Variants in RHOBTB1 observed in about 807,000 individuals in gnomAD.
RHOBTB1 encodes rho-related BTB domain-containing protein 1.
Under a neutral mutation model 71.6 loss-of-function variants are expected in RHOBTB1, and 40 were observed. That is an observed-to-expected ratio of 0.56 (90% CI 0.43 to 0.73). The LOEUF (loss-of-function observed/expected upper bound fraction) is 0.73. Among genes scored for constraint, RHOBTB1 ranks in the 30% least tolerant of loss-of-function variants. The probability of loss-of-function intolerance (pLI) is 0.00; values close to 1 mark genes in which losing one functional copy is unlikely to be tolerated. For synonymous variants in RHOBTB1, 319 were observed against 334.9 expected, an observed-to-expected ratio of 0.95 and a Z score of 0.52; for missense variants, 797 against 894.0, an observed-to-expected ratio of 0.89 and a Z score of 1.38.
intron 2 of RHOBTB1, among the ~76,000 whole-genome samples, chr10:60,927,254 T>A (rs2083939450): frequency 6.6e-6 from 1 of 152,192 alleles, no homozygotes; most frequent in Non-Finnish European, 1.5e-5. Flanking sequence ...GGAAGATCGA[T>A]ATTGTTACAA....
intron 2 of RHOBTB1, among the ~76,000 whole-genome samples, chr10:60,969,162 C>A (rs747371169): frequency 6.6e-6 from 1 of 151,906 alleles, no homozygotes; most frequent in East Asian, 1.9e-4. Context: ...AATGAGGTAA[C>A]ATTAATGGAA....
At chr10:60,953,390 G>T (rs2085479962) in intron 2 of RHOBTB1, among the ~76,000 whole-genome samples, 1 of 152,120 alleles carries the variant, frequency 6.6e-6, no homozygotes, top group Admixed American at 6.5e-5. Context: ...GCCTTTCTCT[G>T]AAGTTACATG....
At chr10:60,933,781 T>C (rs2084401119) in intron 2 of RHOBTB1, among the ~76,000 whole-genome samples, 1 of 151,644 alleles carries the variant, frequency 6.6e-6, no homozygotes, top group Non-Finnish European at 1.5e-5. Context: ...ACACAGGAGA[T>C]GGATTAAAAA....
intron 2 of RHOBTB1, among the ~76,000 whole-genome samples, chr10:60,963,022 A>G (rs1373324004): frequency 6.6e-6 from 1 of 152,160 alleles, no homozygotes; most frequent in Non-Finnish European, 1.5e-5. Context: ...TGTAATACAG[A>G]CCACGGCTAC....
intron 2 of RHOBTB1, among the ~76,000 whole-genome samples, chr10:60,940,514 G>A (rs2084846140): frequency 6.6e-6 from 1 of 152,132 alleles, no homozygotes; most frequent in African/African-American, 2.4e-5. Context: ...CAGACAAACT[G>A]AGGTTCCAGG....
At chr10:60,978,632 G>A (rs942148015) in intron 2 of RHOBTB1, among the ~76,000 whole-genome samples, 2 of 152,094 alleles carry the variant, frequency 1.3e-5, no homozygotes, top group Non-Finnish European at 2.9e-5. Context: ...AAATGTTGCT[G>A]GTTCTAGAGA....
At chr10:60,868,488 G>A (rs1343087334), downstream of RHOBTB1, among the ~76,000 whole-genome samples, 1 of 152,112 alleles carries the variant, frequency 6.6e-6, no homozygotes, top group Non-Finnish European at 1.5e-5. Flanking sequence ...CTTCTGCCTA[G>A]CCAATGTCAT....
rs529624605 is a variant in RHOBTB1 at position 60,997,813 on chromosome 10, C to A, written c.-163+3586G>T. On this transcript the variant is annotated intron_variant, in intron 1 of 11. Transcript: ENST00000357917. ...TGCTGCTACTCAGGATTGGTCTGGG[C>A]AACCTAAGGCTCTTTTGAATTTCTG... 3.9e-5 allele frequency among the ~76,000 whole-genome samples: 6 copies of A among 152,294 alleles called. No individual in the cohort carries two copies. In the South Asian group the frequency reaches 1.0e-3, roughly 26 times the overall value.
At chr10:60,978,016 A>G (rs913589412) in intron 2 of RHOBTB1, among the ~76,000 whole-genome samples, 31 of 152,190 alleles carry the variant, frequency 2.0e-4, no homozygotes, top group Admixed American at 1.8e-3. Context: ...AAATGCCGAT[A>G]TATTTTACAG....
intron 2 of RHOBTB1, among the ~76,000 whole-genome samples, chr10:60,959,006 C>T (rs771868785): frequency 1.3e-5 from 2 of 152,014 alleles, no homozygotes; most frequent in Non-Finnish European, 2.9e-5. Context: ...GCCCTGCCTC[C>T]CAGTATATAC....
Position 60,871,535 on chromosome 10 carries a change from G to A in RHOBTB1, c.2038C>T (p.His680Tyr), listed in dbSNP as rs1425755474. Residue 680 changes from histidine to tyrosine, a missense_variant, in exon 11 of 11, where the codon CAT becomes TAT. Physicochemically the swap from His to Tyr is moderately conservative, Grantham distance 83. Coordinates refer to ENST00000337910, the MANE Select transcript of RHOBTB1 (RefSeq NM_014836.5). ...AAGCACCACTTTCGTCTTGAGCGAT[G>A]CTTATTTAGTGCAATATCTTCCTTC... Reference protein sequence around the residue: ...REKEDIALNKHRSRRKWCFWN... With the variant: ...REKEDIALNKYRSRRKWCFWN... 1 of 1,614,092 alleles carries A rather than the reference G, an allele frequency of 6.2e-7. No homozygotes were observed. Among genetic ancestry groups the A allele is most frequent in the Non-Finnish European group, 8.5e-7 (1 of 1,179,992 alleles).
chr10:60,953,331 T>G (rs1051986020), intron 2 of RHOBTB1, among the ~76,000 whole-genome samples: 3 of 152,206 alleles, frequency 2.0e-5, no homozygotes, highest in Admixed American at 6.5e-5. Context: ...TCTTTCTTCT[T>G]AATTCTTAGC....
intron 1 of RHOBTB1, among the ~76,000 whole-genome samples, chr10:60,943,278 C>T (rs190424654): frequency 6.6e-6 from 1 of 152,228 alleles, no homozygotes; most frequent in South Asian, 2.1e-4. Flanking sequence ...AACGGTGCAG[C>T]TAACAGTAGG....
At chr10:60,912,859 G>A (rs954993493) in intron 2 of RHOBTB1, 1 of 152,180 alleles carries the variant, frequency 6.6e-6, no homozygotes, top group Non-Finnish European at 1.5e-5. Context: ...GCCTTTTTGA[G>A]GGAGTCTATT....
intron 1 of RHOBTB1, among the ~76,000 whole-genome samples, chr10:60,998,082 G>A (rs193135818): frequency 2.7e-4 from 41 of 152,232 alleles, no homozygotes; most frequent in African/African-American, 7.9e-4. Context: ...TTCCTCTGCC[G>A]TAAAATATGG....
At chr10:60,923,471 G>T (rs2083683811) in intron 2 of RHOBTB1, among the ~76,000 whole-genome samples, 1 of 152,168 alleles carries the variant, frequency 6.6e-6, no homozygotes, top group Non-Finnish European at 1.5e-5. Context: ...TGAAAATGTT[G>T]TAAAATTAAT....
intron 7 of RHOBTB1, among the ~76,000 whole-genome samples, chr10:60,883,730 G>A (rs534461059): frequency 3.3e-5 from 5 of 152,266 alleles, no homozygotes; most frequent in African/African-American, 7.2e-5. Flanking sequence ...TAAGTCCAGC[G>A]GCAGCTACTA....
rs201419173 is a variant in RHOBTB1 at position 60,889,205 on chromosome 10, A to C, written c.483-20T>G. On this transcript the variant is annotated intron_variant, in intron 5 of 10. Transcript: ENST00000337910. The stretch of plus-strand genomic sequence containing the variant: ...ATGGGCCTGAAATAGAACATTTTAA[A>C]AATTATAATCAGCCTTGTTTTAGGA... 92 of 1,576,942 alleles carry C rather than the reference A, an allele frequency of 5.8e-5. No individual in the cohort carries two copies. The highest frequency in any genetic ancestry group is 7.6e-5 in the Non-Finnish European group (89 of 1,166,032).
intron 2 of RHOBTB1, among the ~76,000 whole-genome samples, chr10:60,919,070 C>G (rs1289120102): frequency 6.6e-6 from 1 of 152,128 alleles, no homozygotes; most frequent in Non-Finnish European, 1.5e-5. Context: ...TCTATCAAGG[C>G]ATGGTGAGCA....
Sources: gnomAD v4.1 joint callset for allele counts (sites outside exome capture counted in the v4.1 genomes callset) on GRCh38, gnomAD v4.1.1 for gene constraint, MANE v1.5 for transcripts, NCBI Gene and HGNC (gene_info 2026-07-23, HGNC 2026-07-21) for gene names.